The following ASXL1 variants were observed in gnomAD, a reference collection of about 807,000 sequenced individuals.
The protein encoded by ASXL1 is ASXL transcriptional regulator 1, also known as polycomb group protein ASXL1.
Under a neutral mutation model 89.1 loss-of-function variants are expected in ASXL1, and 65 were observed. The ratio of observed to expected loss-of-function variants is 0.73; its 90% confidence interval spans 0.60 to 0.90. The LOEUF is 0.90. ASXL1 is among the 40% of genes least tolerant of loss of function. ASXL1 has a pLI of 0.00. For missense variants in ASXL1, 1,786 were observed against 1,942.9 expected (o/e 0.92, Z 1.52); for synonymous variants, 739 against 746.9 (o/e 0.99, Z 0.17).
intron 4 of ASXL1, among the ~76,000 whole-genome samples, chr20:32,412,839 G>A (rs1025836916): frequency 3.3e-5 from 5 of 152,000 alleles, no homozygotes; most frequent in Admixed American, 2.6e-4. Context: ...GATTATAGGC[G>A]TGAGCCACTG....
intron 4 of ASXL1, among the ~76,000 whole-genome samples, chr20:32,382,853 A>G (rs1425226283): frequency 6.6e-6 from 1 of 152,176 alleles, no homozygotes; most frequent in Non-Finnish European, 1.5e-5. Flanking sequence ...TAACTTATGT[A>G]GTCTGTGTGA....
intron 4 of ASXL1, among the ~76,000 whole-genome samples, chr20:32,389,491 T>C (rs1600508854): frequency 6.6e-6 from 1 of 152,132 alleles, no homozygotes; most frequent in African/African-American, 2.4e-5. Flanking sequence ...GGACTGAGTA[T>C]TGTGAGTGTA....
chr20:32,417,952 G>A (rs2049166197), intron 4 of ASXL1, among the ~76,000 whole-genome samples: 1 of 152,102 alleles, frequency 6.6e-6, no homozygotes, highest in Non-Finnish European at 1.5e-5. Context: ...GCTGAGGCAG[G>A]CGAATCACGA....
intron 4 of ASXL1, among the ~76,000 whole-genome samples, chr20:32,400,496 G>A (rs1278431252): frequency 6.6e-6 from 1 of 152,206 alleles, no homozygotes; most frequent in African/African-American, 2.4e-5. Context: ...CCCAAATCTT[G>A]AGGGTTGTCT....
chr20:32,433,619 C>T lies in ASXL1; in HGVS notation c.1421C>T (p.Pro474Leu), dbSNP rs1252085188. The T allele has an allele frequency of 6.2e-7, 1 of 1,613,912 alleles. No individual in the cohort carries two copies. Among genetic ancestry groups the T allele is most frequent in the Non-Finnish European group, 8.5e-7 (1 of 1,179,826 alleles). Reference protein sequence around the residue: ...PHLPGTSSAAPDLEGPEFPVE... With the variant: ...PHLPGTSSAALDLEGPEFPVE... ...CTGCCAGGCACATCCTCTGCAGCAC[C>T]CGACCTGGAGGGTCCCGAATTCCCA... Residue 474 changes from proline (P) to leucine (L), a missense_variant, in exon 12 of 13, where the codon CCC (proline) becomes CTC (leucine). Physicochemically the swap from Pro to Leu is moderately conservative, Grantham distance 98 (BLOSUM62 -3). Coordinates refer to ENST00000375687, the MANE Select transcript of ASXL1 (RefSeq NM_015338.6).
At chr20:32,374,835 T>G (rs1017390043) in intron 4 of ASXL1, among the ~76,000 whole-genome samples, 2 of 152,152 alleles carry the variant, frequency 1.3e-5, no homozygotes, top group African/African-American at 4.8e-5. Flanking sequence ...TAATCCAAGG[T>G]GGTGTTAAAT....
At position 32,429,735 on chromosome 20, in the gene ASXL1, A is replaced by T; in HGVS notation, c.566-166A>T. 1.0e-6 allele frequency: 1 copy of T among 996,236 alleles called. No homozygotes were observed. Among genetic ancestry groups the T allele is most frequent in the Non-Finnish European group, 1.5e-6 (1 of 683,512 alleles). The allele number at this position is 996,236 out of a possible 1,614,324, so 61.7% of individuals were successfully genotyped here. A position where few individuals can be genotyped will look rare whatever the true frequency, so the allele number is the denominator to read the frequency against. On this transcript the variant is annotated intron_variant, in intron 7 of 12. Coordinates refer to ENST00000375687, the MANE Select transcript of ASXL1 (RefSeq NM_015338.6). The surrounding 1 kb of genome is among the most constrained non-coding windows in gnomAD (Gnocchi z 4.9). ...TTTGGCACCTGTAAGGTGATATTTTAAAGCCAGACCATGAAGTGGTGGTTT... is the reference window on the plus strand; with the variant it reads ...TTTGGCACCTGTAAGGTGATATTTTTAAGCCAGACCATGAAGTGGTGGTTT...
chr20:32,426,554 CTTTTTTTTTTTTTTT>C (rs1177815042), intron 4 of ASXL1, among the ~76,000 whole-genome samples: 1 of 83,950 alleles, frequency 1.2e-5, no homozygotes, highest in Non-Finnish European at 2.2e-5. Context: ...TTTTTTCTTT[CTTTTTTTTTTTTTTT>C]TTTTTTTTTG....
At chr20:32,414,495 G>C (rs7266773) in intron 4 of ASXL1, among the ~76,000 whole-genome samples, 3 of 151,658 alleles carry the variant, frequency 2.0e-5, no homozygotes, top group African/African-American at 7.3e-5. Flanking sequence ...AATTGCTTAC[G>C]ACCAGGAGTT....
In ASXL1 at chr20:32,358,514, C is replaced by A; in HGVS notation, c.-262C>A. The A allele has an allele frequency of 4.4e-6, 1 of 226,334 alleles. No homozygotes were observed. Among genetic ancestry groups the A allele is most frequent in the South Asian group, 1.7e-4 (1 of 6,046 alleles). 14.0% of individuals were successfully genotyped at this position (226,334 alleles called of 1,614,324 possible). A position where few individuals can be genotyped will look rare whatever the true frequency, so the allele number is the denominator to read the frequency against. ...CGGAGCCGCCGCATTCCTTAGCGAT[C>A]GCGGGGCAGCCGCCGCTGCCGCCGT... On this transcript the variant is annotated 5_prime_UTR_variant, in exon 1 of 13. Transcript: ENST00000375687.
At chr20:32,382,498 C>G (rs1445938061) in intron 4 of ASXL1, among the ~76,000 whole-genome samples, 1 of 151,314 alleles carries the variant, frequency 6.6e-6, no homozygotes, top group Non-Finnish European at 1.5e-5. Flanking sequence ...AGGCCAGGCA[C>G]TGTGCCTCAT....
chr20:32,385,670 T>C (rs1253540105), intron 4 of ASXL1, among the ~76,000 whole-genome samples: 1 of 152,182 alleles, frequency 6.6e-6, no homozygotes, highest in Non-Finnish European at 1.5e-5. Flanking sequence ...TATCCTAAAT[T>C]ATCCCGTTAT....
rs1455198862 is a variant in ASXL1 at position 32,431,567 on chromosome 20, C to T, written c.883-16C>T. 3.4e-5 allele frequency: 55 copies of T among 1,613,942 alleles called. No homozygotes were observed. The highest frequency in any genetic ancestry group is 4.5e-5 in the Non-Finnish European group (53 of 1,180,008). ...AGTTTATTTATTAGGATTTTTTTCC[C>T]CCTTGATCCTTCTAGGTGGGGACGG... On this transcript the variant is annotated splice_polypyrimidine_tract_variant and intron_variant, in intron 9 of 12. Transcript: ENST00000375687.
At position 32,437,414 on chromosome 20, in the gene ASXL1, G is replaced by T; in HGVS notation, c.*76G>T. ...ATGATTGATCTTAAATCTGTATACA[G>T]AATATCATTGATATAATACTCTTTA... is the stretch of plus-strand genomic sequence containing the variant. On this transcript the variant is annotated 3_prime_UTR_variant, in exon 13 of 13. Transcript: ENST00000375687. 6.3e-7 allele frequency: 1 copy of T among 1,576,824 alleles called. No individual in the cohort carries two copies. The highest frequency in any genetic ancestry group is 1.7e-5 in the Admixed American group (1 of 59,960).
intron 4 of ASXL1, among the ~76,000 whole-genome samples, chr20:32,372,804 A>G (rs2048320282): frequency 1.3e-5 from 2 of 151,930 alleles, no homozygotes; most frequent in Admixed American, 6.6e-5. Flanking sequence ...TATGTTGGCC[A>G]GGCTGGTCTT....
At position 32,429,386 on chromosome 20, in the gene ASXL1, C is replaced by T; in HGVS notation, c.520C>T (p.Leu174=). 1.9e-6 allele frequency: 3 copies of T among 1,614,160 alleles called. No homozygotes were observed. Among genetic ancestry groups the T allele is most frequent in the Non-Finnish European group, 2.5e-6 (3 of 1,180,028 alleles). The change falls in exon 7 of 13, where the codon CTG becomes TTG. Residue 174 remains leucine (L), a synonymous_variant. Coordinates refer to ENST00000375687, the MANE Select transcript of ASXL1 (RefSeq NM_015338.6). The surrounding 1 kb of genome is among the most constrained non-coding windows in gnomAD (Gnocchi z 4.9). ...KTGVMLPRVV[L]TPLKVNGAHV... ...TGGGGTGATGCTGCCTCGAGTTGTC[C>T]TGACTCCTCTGAAGGTAAACGGGGC...
chr20:32,376,897 A>G (rs2048390159), intron 4 of ASXL1, among the ~76,000 whole-genome samples: 1 of 145,630 alleles, frequency 6.9e-6, no homozygotes, highest in African/African-American at 2.5e-5. Flanking sequence ...TATAAAATAA[A>G]AATAAAAAAT....
chr20:32,424,898 G>C (rs2011229044), intron 4 of ASXL1, among the ~76,000 whole-genome samples: 1 of 152,160 alleles, frequency 6.6e-6, no homozygotes, highest in Non-Finnish European at 1.5e-5. Flanking sequence ...CTGCCACTTA[G>C]ATCACGACAT....
intron 4 of ASXL1, among the ~76,000 whole-genome samples, chr20:32,412,691 G>A (rs1222134804): frequency 2.0e-5 from 3 of 149,710 alleles, no homozygotes; most frequent in African/African-American, 7.4e-5. Flanking sequence ...CCAAGTAGCT[G>A]GGACTACAGG....
Sources: gnomAD v4.1 joint callset for allele counts (sites outside exome capture counted in the v4.1 genomes callset) on GRCh38, gnomAD v4.1.1 for gene constraint, Gnocchi (gnomAD v3.1) non-coding constraint, MANE v1.5 for transcripts, NCBI Gene and HGNC (gene_info 2026-07-23, HGNC 2026-07-21) for gene names.